Variants in ZNF587B observed in about 807,000 individuals in gnomAD.
ZNF587B encodes the protein zinc finger protein 587B.
In ZNF587B, 6 loss-of-function variants were observed where a neutral mutation model predicts 7.2. The ratio of observed to expected loss-of-function variants is 0.83; its 90% confidence interval spans 0.46 to 1.65. The LOEUF (loss-of-function observed/expected upper bound fraction) is 1.65, where lower values mean the gene tolerates loss of function less well. Among genes scored for constraint, ZNF587B ranks in the 40% most tolerant of loss-of-function variants. The probability of loss-of-function intolerance (pLI) is 0.01; values close to 1 mark genes in which losing one functional copy is unlikely to be tolerated. For synonymous variants in ZNF587B, 274 were observed against 254.3 expected, an observed-to-expected ratio of 1.08 and a Z score of -0.74; for missense variants, 749 against 761.0, an observed-to-expected ratio of 0.98 and a Z score of 0.19.
chr19:57,843,005 C>G lies in ZNF587B; in HGVS notation c.*429C>G, dbSNP rs1988916939. 1 of 982,878 alleles carries G rather than the reference C, an allele frequency of 1.0e-6. No homozygotes were observed. The highest frequency in any genetic ancestry group is 1.8e-5 in the African/African-American group (1 of 57,094). 60.9% of individuals were successfully genotyped at this position (982,878 alleles called of 1,614,324 possible). On this transcript the variant is annotated 3_prime_UTR_variant, in exon 3 of 3. Coordinates refer to ENST00000594901, the MANE Select transcript of ZNF587B (RefSeq NM_001376223.1). Reference sequence around the variant, plus strand: ...ATATAGGGAATGTTATTATTTTTTCCTTTTTTTGGAGAGACGGTCTCACTC... The same window carrying G: ...ATATAGGGAATGTTATTATTTTTTCGTTTTTTTGGAGAGACGGTCTCACTC...
At position 57,843,610 on chromosome 19, in the gene ZNF587B, T is replaced by TG. The variant is rs1298243773; in HGVS notation, c.*1034_*1035insG. 25 of 919,782 alleles carry TG rather than the reference T, an allele frequency of 2.7e-5. No individual in the cohort carries two copies. Among genetic ancestry groups the TG allele is most frequent in the Non-Finnish European group, 3.2e-5 (25 of 776,958 alleles). 57.0% of individuals were successfully genotyped at this position (919,782 alleles called of 1,614,324 possible). On this transcript the variant is annotated 3_prime_UTR_variant, in exon 3 of 3. Transcript: ENST00000594901. The stretch of plus-strand genomic sequence containing the variant: ...TGGTTGTTTTTTTTTGTTTTTTTTT[T>TG]TTTTTTTTTTGGAGACAAAGTTTCA...
Position 57,842,497 on chromosome 19 carries a change from G to A in ZNF587B, c.1823G>A (p.Cys608Tyr). Residue 608 changes from cysteine (C) to tyrosine (Y), a missense_variant, in exon 3 of 3, where the codon TGT (cysteine) becomes TAT (tyrosine). Cys to Tyr is a radical substitution (Grantham distance 194). Transcript: ENST00000594901. ...RVHTGEKPYG[C>Y]SECEKKFRKS... is the part of the protein sequence containing the mutation. ...CACACTGGAGAAAAGCCTTATGGGT[G>A]TAGTGAATGTGAAAAAAAATTTAGG... 4 of 1,569,336 alleles carry A rather than the reference G, an allele frequency of 2.5e-6. No homozygotes were observed. The highest frequency in any genetic ancestry group is 2.4e-5 in the South Asian group (2 of 82,892).
Position 57,843,285 on chromosome 19 carries a change from C to T in ZNF587B, c.*709C>T, listed in dbSNP as rs923838345. The T allele has an allele frequency of 1.1e-5, 11 of 985,356 alleles. No individual in the cohort carries two copies. In the African/African-American group the frequency reaches 1.7e-4, roughly 16 times the overall value. 61.0% of individuals were successfully genotyped at this position (985,356 alleles called of 1,614,324 possible). A position where few individuals can be genotyped will look rare whatever the true frequency, so the allele number is the denominator to read the frequency against. ...GAGATTGTAGGTTTGAGTCACTGTGCTCAGCCAATTATGTTTTTCTGTGTA... is the reference window on the plus strand; with the variant it reads ...GAGATTGTAGGTTTGAGTCACTGTGTTCAGCCAATTATGTTTTTCTGTGTA... On this transcript the variant is annotated 3_prime_UTR_variant, in exon 3 of 3. Coordinates refer to ENST00000594901, the MANE Select transcript of ZNF587B (RefSeq NM_001376223.1).
Position 57,841,383 on chromosome 19 carries a change from C to A in ZNF587B, c.709C>A (p.Pro237Thr), listed in dbSNP as rs569573056. Residue 237 changes from proline to threonine, a missense_variant, in exon 3 of 3, where the codon CCT (proline) becomes ACT (threonine). Pro to Thr is a conservative substitution (Grantham distance 38, BLOSUM62 -1). Coordinates refer to ENST00000594901, the MANE Select transcript of ZNF587B (RefSeq NM_001376223.1). ...HILSQHQRLL[P>T]REECYVCCEC... ...ACTCAGTCAGCACCAGAGACTTCTCCCTCGAGAAGAATGTTATGTGTGCTG... is the reference window on the plus strand; with the variant it reads ...ACTCAGTCAGCACCAGAGACTTCTCACTCGAGAAGAATGTTATGTGTGCTG... 2.8e-3 allele frequency: 4,454 copies of A among 1,585,248 alleles called. 13 individuals carry two copies. The highest frequency in any genetic ancestry group is 3.5e-3 in the Non-Finnish European group (4,108 of 1,163,758).
intron 2 of ZNF587B, among the ~76,000 whole-genome samples, chr19:57,839,914 A>G (rs1279097276): frequency 6.6e-6 from 1 of 151,888 alleles, no homozygotes; most frequent in African/African-American, 2.4e-5. Flanking sequence ...CCCTGTCTCT[A>G]CTAAATATAA....
Position 57,842,191 on chromosome 19 carries a change from A to T in ZNF587B, c.1517A>T (p.Lys506Met). 6.2e-7 allele frequency: 1 copy of T among 1,613,272 alleles called. No individual in the cohort carries two copies. The highest frequency in any genetic ancestry group is 1.1e-5 in the South Asian group (1 of 90,940). The change falls in exon 3 of 3, where the codon AAG becomes ATG. Residue 506 changes from lysine to methionine, a missense_variant. Lys to Met is a moderately conservative substitution (Grantham distance 95). Coordinates refer to ENST00000594901, the MANE Select transcript of ZNF587B (RefSeq NM_001376223.1). ...CEACQKFFRH[K>M]CHLTAHQRVH... is the part of the protein sequence containing the mutation. ...GCTTGTCAGAAATTTTTTAGGCACAAGTGCCACCTCACTGCACACCAGAGA... is the reference window on the plus strand; with the variant it reads ...GCTTGTCAGAAATTTTTTAGGCACATGTGCCACCTCACTGCACACCAGAGA...
At position 57,843,065 on chromosome 19, in the gene ZNF587B, A is replaced by G; in HGVS notation, c.*489A>G. ...TGCTGGTGTGCAGTGCTGCGATCGT[A>G]GCTCACTGCATCCTCCGCCCCCTAG... is the stretch of plus-strand genomic sequence containing the variant. On this transcript the variant is annotated 3_prime_UTR_variant, in exon 3 of 3. Coordinates refer to ENST00000594901, the MANE Select transcript of ZNF587B (RefSeq NM_001376223.1). The G allele has an allele frequency of 1.2e-6, 1 of 817,328 alleles. No individual in the cohort carries two copies. The highest frequency in any genetic ancestry group is 1.5e-6 in the Non-Finnish European group (1 of 676,620). The allele number at this position is 817,328 out of a possible 1,614,324, so 50.6% of individuals were successfully genotyped here.
rs767110224 is a variant in ZNF587B at position 57,841,292 on chromosome 19, C to T, written c.618C>T (p.Pro206=). ...ACAGCAAAACTGAGTGTGTGTCTCC[C>T]TTTCAGTGTGGGGGAGCTCACTATA... ...KSNSKTECVS[P]FQCGGAHYSH... The change falls in exon 3 of 3, where the codon CCC becomes CCT. Residue 206 remains proline (P), a synonymous_variant. Transcript: ENST00000594901. The T allele has an allele frequency of 3.1e-5, 50 of 1,613,912 alleles. No homozygotes were observed. Among genetic ancestry groups the T allele is most frequent in the Non-Finnish European group, 4.1e-5 (48 of 1,180,004 alleles).
rs1048824373 is a variant in ZNF587B, at chr19:57,842,839, G to T, written c.*263G>T. 1.0e-6 allele frequency: 1 copy of T among 985,218 alleles called. No individual in the cohort carries two copies. The highest frequency in any genetic ancestry group is 1.7e-5 in the African/African-American group (1 of 57,198). The allele number at this position is 985,218 out of a possible 1,614,324, so 61.0% of individuals were successfully genotyped here. On this transcript the variant is annotated 3_prime_UTR_variant, in exon 3 of 3. Transcript: ENST00000594901. ...GCAAATATAGGCTATTTATCCAGAA[G>T]TCTGGCTTCAAAACTCACAGGAGAG...
At chr19:57,830,615 G>A in intron 1 of ZNF587B, 51 bp downstream of exon 1, 1 of 1,542,714 alleles carries the variant, frequency 6.5e-7, no homozygotes, top group Non-Finnish European at 8.7e-7. Context: ...TCACCCAAAA[G>A]CCTGTAGTCT....
At position 57,843,202 on chromosome 19, in the gene ZNF587B, G is replaced by A; in HGVS notation, c.*626G>A. 5.4e-6 allele frequency: 4 copies of A among 743,142 alleles called. No individual in the cohort carries two copies. The highest frequency in any genetic ancestry group is 4.9e-6 in the Non-Finnish European group (3 of 609,294). The allele number at this position is 743,142 out of a possible 1,614,324, so 46.0% of individuals were successfully genotyped here. A position where few individuals can be genotyped will look rare whatever the true frequency, so the allele number is the denominator to read the frequency against. ...GATATAGGGTTTTACCATGTTTCCA[G>A]GCTGGTATCGAACTCCTGAGCTCAA... On this transcript the variant is annotated 3_prime_UTR_variant, in exon 3 of 3. Coordinates refer to ENST00000594901, the MANE Select transcript of ZNF587B (RefSeq NM_001376223.1).
At chr19:57,839,373 G>A (rs1323893554) in intron 2 of ZNF587B, among the ~76,000 whole-genome samples, 1 of 152,154 alleles carries the variant, frequency 6.6e-6, no homozygotes, top group Non-Finnish European at 1.5e-5. Flanking sequence ...GGGATTCCCA[G>A]TCAGAAGCCC....
intron 1 of ZNF587B, among the ~76,000 whole-genome samples, chr19:57,834,939 C>T (rs1600103666): frequency 9.5e-6 from 1 of 105,388 alleles, no homozygotes; most frequent in African/African-American, 4.0e-5. Flanking sequence ...CTCTCGAGCT[C>T]AGTCCTTTCA....
chr19:57,841,081 A>T lies in ZNF587B; in HGVS notation c.407A>T (p.His136Leu), dbSNP rs1329735434. 8.1e-6 allele frequency: 13 copies of T among 1,613,888 alleles called. No homozygotes were observed. In the Admixed American group the frequency reaches 2.2e-4, roughly 27 times the overall value. The change falls in exon 3 of 3, where the codon CAT becomes CTT. Residue 136 changes from histidine to leucine, a missense_variant. This residue lies in a region of ZNF587B where 656 missense variants were observed against 596.5 expected (regional missense o/e 1.10). Transcript: ENST00000594901. ...AAATTGTATGACAGTGGAAACTTTCATCAGCACCAGAATGAGCACATTGGA... is the reference window on the plus strand; with the variant it reads ...AAATTGTATGACAGTGGAAACTTTCTTCAGCACCAGAATGAGCACATTGGA... Reference protein sequence around the residue: ...GNKLYDSGNFHQHQNEHIGEK... With the variant: ...GNKLYDSGNFLQHQNEHIGEK...
Position 57,830,525 on chromosome 19 carries a change from T to C in ZNF587B, c.-4T>C, listed in dbSNP as rs1396694831. 1.3e-6 allele frequency: 2 copies of C among 1,549,480 alleles called. No homozygotes were observed. The highest frequency in any genetic ancestry group is 1.7e-6 in the Non-Finnish European group (2 of 1,147,032). ...CCCAACCCTGCTTTAAACCACGTGG[T>C]TCGATGGCGGTGGTGGCCACGCTGA... is the stretch of plus-strand genomic sequence containing the variant. On this transcript the variant is annotated 5_prime_UTR_variant, in exon 1 of 3. Coordinates refer to ENST00000594901, the MANE Select transcript of ZNF587B (RefSeq NM_001376223.1).
intron 2 of ZNF587B, among the ~76,000 whole-genome samples, chr19:57,840,593 A>G (rs1183828410): frequency 6.6e-6 from 1 of 152,218 alleles, no homozygotes; most frequent in Non-Finnish European, 1.5e-5. Context: ...CAGGGATTGT[A>G]GACCCTGCCT....
chr19:57,841,515 C>A lies in ZNF587B; in HGVS notation c.841C>A (p.Gln281Lys). Reference protein sequence around the residue: ...ECGECEKSFSQKSSLIQHQQF... With the variant: ...ECGECEKSFSKKSSLIQHQQF... ...TGGAGAATGTGAGAAATCTTTTAGT[C>A]AAAAGAGCAGCCTCATTCAACATCA... The change falls in exon 3 of 3, where the codon CAA becomes AAA. Residue 281 changes from glutamine (Q) to lysine (K), a missense_variant. By Grantham distance (53) the Gln-to-Lys change is moderately conservative. This residue lies in a region of ZNF587B where 656 missense variants were observed against 596.5 expected (regional missense o/e 1.10). Coordinates refer to ENST00000594901, the MANE Select transcript of ZNF587B (RefSeq NM_001376223.1). 6.3e-7 allele frequency: 1 copy of A among 1,584,240 alleles called. No homozygotes were observed. Among genetic ancestry groups the A allele is most frequent in the South Asian group, 1.1e-5 (1 of 87,666 alleles).
rs757673973 is a variant in ZNF587B at position 57,841,211 on chromosome 19, T to C, written c.537T>C (p.Phe179=). 4 of 1,613,978 alleles carry C rather than the reference T, an allele frequency of 2.5e-6. No individual in the cohort carries two copies. The highest frequency in any genetic ancestry group is 3.4e-6 in the Non-Finnish European group (4 of 1,180,036). Residue 179 remains phenylalanine, a synonymous_variant, in exon 3 of 3, where the codon TTT becomes TTC. Coordinates refer to ENST00000594901, the MANE Select transcript of ZNF587B (RefSeq NM_001376223.1). ...TCTTCAGTGAGAGTGGGAAGGACTT[T>C]TTGCCCAGGTCAGGATTACTCCAGC... is the stretch of plus-strand genomic sequence containing the variant. ...SSVFSESGKD[F]LPRSGLLQQE... is the part of the protein sequence containing the mutation.
intron 2 of ZNF587B, among the ~76,000 whole-genome samples, chr19:57,839,632 T>A (rs1309579552): frequency 2.0e-5 from 3 of 152,212 alleles, no homozygotes; most frequent in Non-Finnish European, 4.4e-5. Context: ...ATGTTGGCTG[T>A]TCCCTTGTTC....
Sources: gnomAD v4.1 joint callset for allele counts (sites outside exome capture counted in the v4.1 genomes callset) on GRCh38, gnomAD v4.1.1 for gene constraint, gnomAD v4.1.1 regional missense constraint, MANE v1.5 for transcripts, NCBI Gene and HGNC (gene_info 2026-07-23, HGNC 2026-07-21) for gene names.